Variants in IFT80 observed in about 807,000 individuals in gnomAD.
The protein encoded by IFT80 is intraflagellar transport 80.
Under a neutral mutation model 107.9 loss-of-function variants are expected in IFT80, and 79 were observed. The observed-to-expected ratio is 0.73, with a 90% CI of 0.61 to 0.88. The LOEUF (loss-of-function observed/expected upper bound fraction) is 0.88. IFT80 is among the 40% of genes least tolerant of loss of function. The probability of loss-of-function intolerance (pLI) is 0.00; values close to 1 mark genes in which losing one functional copy is unlikely to be tolerated. For synonymous variants in IFT80, 299 were observed against 300.9 expected, an observed-to-expected ratio of 0.99 and a Z score of 0.07; for missense variants, 797 against 914.2, an observed-to-expected ratio of 0.87 and a Z score of 1.65.
Position 160,258,597 on chromosome 3 carries a change from C to G in IFT80, c.2262G>C (p.Glu754Asp). The change falls in exon 20 of 20, where the codon GAG (glutamate) becomes GAC (aspartate). Residue 754 changes from glutamate to aspartate, a missense_variant. Transcript: ENST00000326448. ...IDWEKIKAKI[E>D]MEITKEREQS... ...GCTCTCTTTCTTTTGTAATTTCCAT[C>G]TCAATTTTGGCTTTGATTTTCTCCC... 1 of 1,613,152 alleles carries G rather than the reference C, an allele frequency of 6.2e-7. No individual in the cohort carries two copies. The highest frequency in any genetic ancestry group is 8.5e-7 in the Non-Finnish European group (1 of 1,179,912).
chr3:160,272,060 A>T (rs1174794880), intron 18 of IFT80, among the ~76,000 whole-genome samples: 1 of 152,104 alleles, frequency 6.6e-6, no homozygotes, highest in African/African-American at 2.4e-5. Flanking sequence ...TTGTCCAAAG[A>T]TCCAATAATG....
intron 18 of IFT80, among the ~76,000 whole-genome samples, chr3:160,273,915 G>A (rs1280850707): frequency 2.0e-5 from 3 of 152,086 alleles, no homozygotes; most frequent in African/African-American, 7.2e-5. Context: ...ACATGAAAAG[G>A]AGATGCCAGG....
At chr3:160,286,949 G>C (rs1276040102) in intron 12 of IFT80, among the ~76,000 whole-genome samples, 1 of 152,076 alleles carries the variant, frequency 6.6e-6, no homozygotes, top group Non-Finnish European at 1.5e-5. Flanking sequence ...CTTCAGGATA[G>C]GGGCTGATAA....
chr3:160,295,329 G>A (rs928829634), intron 12 of IFT80, among the ~76,000 whole-genome samples: 2 of 152,278 alleles, frequency 1.3e-5, no homozygotes, highest in Admixed American at 6.5e-5. Flanking sequence ...AATAGGCTGG[G>A]CATGGTGGCT....
rs1442183835 is a variant in IFT80 at position 160,294,511 on chromosome 3, A to G, written c.1315+6372T>C. ...GCTGGGATTGCAGGCGTAAGCCACC[A>G]TGTCCAGCCAACTTTTGGCATCGCA... On this transcript the variant is annotated intron_variant, in intron 12 of 19. Transcript: ENST00000326448. 5.3e-5 allele frequency among the ~76,000 whole-genome samples: 8 copies of G among 152,358 alleles called. No individual in the cohort carries two copies. The East Asian group carries it at 1.5e-3, about 29-fold the overall frequency.
At chr3:160,356,524 G>GT (rs1235413822) in intron 7 of IFT80, among the ~76,000 whole-genome samples, 1 of 152,014 alleles carries the variant, frequency 6.6e-6, no homozygotes, top group Non-Finnish European at 1.5e-5. Flanking sequence ...GCTTTGTTTT[G>GT]TTTTTTGAAT....
chr3:160,318,658 C>T (rs1717992892), intron 9 of IFT80, among the ~76,000 whole-genome samples: 1 of 152,050 alleles, frequency 6.6e-6, no homozygotes, highest in Non-Finnish European at 1.5e-5. Context: ...ACTGCCACAT[C>T]CGAACCTTCT....
chr3:160,356,258 T>C (rs1476905734), intron 7 of IFT80, 108 bp from the exon 8 acceptor site: 4 of 935,294 alleles, frequency 4.3e-6, no homozygotes, highest in South Asian at 1.7e-5. Flanking sequence ...AGACACCACA[T>C]AAAAACAAGT....
intron 12 of IFT80, among the ~76,000 whole-genome samples, chr3:160,290,720 C>T (rs1715490557): frequency 6.6e-6 from 1 of 151,934 alleles, no homozygotes; most frequent in Non-Finnish European, 1.5e-5. Flanking sequence ...AGCTGGGATG[C>T]CAGCTAATTT....
chr3:160,262,865 C>CTG (rs1185477738), intron 19 of IFT80, among the ~76,000 whole-genome samples: 1 of 152,118 alleles, frequency 6.6e-6, no homozygotes, highest in Admixed American at 6.5e-5. Flanking sequence ...AGGGTCCAAC[C>CTG]ATAGCTTTCT....
At chr3:160,278,593 G>A (rs1394633388) in intron 16 of IFT80, among the ~76,000 whole-genome samples, 2 of 151,800 alleles carry the variant, frequency 1.3e-5, no homozygotes, top group African/African-American at 4.8e-5. Context: ...ACCCACATGT[G>A]TCCGTCCTTG....
chr3:160,383,780 G>C, intron 2 of IFT80: 1 of 985,376 alleles, frequency 1.0e-6, no homozygotes. Context: ...ATAGGGTCAT[G>C]TGTTTGAGAA....
chr3:160,299,237 TA>T (rs752029701), intron 12 of IFT80: 407 of 1,130,636 alleles, frequency 3.6e-4, no homozygotes, highest in East Asian at 2.8e-3. Flanking sequence ...GGAAGTCCTT[TA>T]AAAAAAAATT....
chr3:160,262,190 G>A (rs1712901259), intron 19 of IFT80, among the ~76,000 whole-genome samples: 1 of 152,094 alleles, frequency 6.6e-6, no homozygotes, highest in African/African-American at 2.4e-5. Context: ...TCAATGAAAG[G>A]TAACTCAAAA....
At chr3:160,305,070 C>T (rs1356841079) in intron 10 of IFT80, among the ~76,000 whole-genome samples, 3 of 151,998 alleles carry the variant, frequency 2.0e-5, no homozygotes, top group African/African-American at 7.2e-5. Flanking sequence ...AATCAAAGAT[C>T]GGGGTGGGTA....
rs1712771206 is a variant in IFT80, at chr3:160,384,402, T to C, written c.37+162A>G. 2.1e-5 allele frequency: 27 copies of C among 1,310,882 alleles called. No individual in the cohort carries two copies. In the South Asian group the frequency reaches 5.9e-4, roughly 28 times the overall value. 81.2% of individuals were successfully genotyped at this position (1,310,882 alleles called of 1,614,324 possible). ...CAAACGGTTCACTTTGGAGAATTAC[T>C]TACAACACATGATCTTAAATACTTT... On this transcript the variant is annotated intron_variant, in intron 2 of 19. Transcript: ENST00000326448.
intron 10 of IFT80, among the ~76,000 whole-genome samples, chr3:160,306,850 A>G (rs1169047133): frequency 6.6e-6 from 1 of 152,192 alleles, no homozygotes; most frequent in Non-Finnish European, 1.5e-5. Context: ...TTATTCATTC[A>G]AAAGTATTTA....
rs116029300 is a variant in IFT80, at chr3:160,259,526, A to G, written c.2224-891T>C. On this transcript the variant is annotated intron_variant, in intron 19 of 19. Transcript: ENST00000326448. ...CTTAAAGTAAGACATGGTGGTCATT[A>G]AGACAATGAGGAAAAGATGTTAGAG... Among the ~76,000 whole-genome samples, 1,287 of 152,348 alleles carry G rather than the reference A, an allele frequency of 8.4e-3. 13 individuals carry two copies. The highest frequency in any genetic ancestry group is 0.01 in the Non-Finnish European group (682 of 68,038).
intron 8 of IFT80, among the ~76,000 whole-genome samples, chr3:160,352,959 AATCTGTC>A: frequency 6.6e-6 from 1 of 152,298 alleles, no homozygotes; most frequent in Middle Eastern, 3.4e-3. Context: ...CCTCTACTCT[AATCTGTC>A]CTCTATGATG....
Sources: gnomAD v4.1 joint callset for allele counts (sites outside exome capture counted in the v4.1 genomes callset) on GRCh38, gnomAD v4.1.1 for gene constraint, MANE v1.5 for transcripts, NCBI Gene and HGNC (gene_info 2026-07-23, HGNC 2026-07-21) for gene names.